PRKG1: variants seen among roughly 807,000 people sequenced by gnomAD.
PRKG1 encodes cGMP-dependent protein kinase 1.
A neutral mutation model predicts 88.1 loss-of-function variants in PRKG1; 35 were observed. The ratio of observed to expected loss-of-function variants is 0.40; its 90% CI spans 0.30 to 0.53. The LOEUF (loss-of-function observed/expected upper bound fraction) is 0.53. PRKG1 is among the 20% of genes least tolerant of loss of function. PRKG1 has a pLI of 0.59. For synonymous variants in PRKG1, 303 were observed against 292.5 expected, an observed-to-expected ratio of 1.04 and a Z score of -0.37; for missense variants, 540 against 839.8, an observed-to-expected ratio of 0.64 and a Z score of 4.41.
intron 3 of PRKG1, among the ~76,000 whole-genome samples, chr10:51,493,706 G>T (rs1372376358): frequency 6.6e-6 from 1 of 152,148 alleles, no homozygotes; most frequent in African/African-American, 2.4e-5. Context: ...TGCTCCACAC[G>T]ATTCAAAATT....
At chr10:52,264,900 G>A (rs1180311216) in intron 10 of PRKG1, among the ~76,000 whole-genome samples, 2 of 152,026 alleles carry the variant, frequency 1.3e-5, no homozygotes, top group Non-Finnish European at 2.9e-5. Context: ...TAAATGTAAA[G>A]TCAAGGTCAT....
rs869105973 is a variant in PRKG1, at chr10:51,218,490, CATATAT to C, written c.478+65196_478+65201del. On this transcript the variant is annotated intron_variant, in intron 2 of 17. Transcript: ENST00000373980. ...ACTTTCATTATAGTTCATCTATCTT[CATATAT>C]ATATATATATATATATATATATATA... Among the ~76,000 whole-genome samples the C allele has an allele frequency of 7.7e-3, 312 of 40,768 alleles. 1 individual carries two copies. Among genetic ancestry groups the C allele is most frequent in the Middle Eastern group, 0.024 (1 of 42 alleles). The allele number at this position is 40,768 out of a possible 152,430, so 26.7% of individuals were successfully genotyped here. A position where few individuals can be genotyped will look rare whatever the true frequency, so the allele number is the denominator to read the frequency against.
chr10:51,296,871 G>A (rs1840734578), intron 2 of PRKG1, among the ~76,000 whole-genome samples: 1 of 151,884 alleles, frequency 6.6e-6, no homozygotes, highest in Non-Finnish European at 1.5e-5. Flanking sequence ...GCTTTTCCAT[G>A]TTTTCTTTAG....
chr10:51,694,372 A>G (rs1311879042), intron 3 of PRKG1, among the ~76,000 whole-genome samples: 4 of 152,224 alleles, frequency 2.6e-5, no homozygotes, highest in Admixed American at 1.3e-4. Context: ...TTCTTTCTTA[A>G]ATGTTTTTCT....
intron 4 of PRKG1, among the ~76,000 whole-genome samples, chr10:51,867,453 T>C (rs1242666756): frequency 3.3e-5 from 5 of 152,072 alleles, no homozygotes; most frequent in South Asian, 2.1e-4. Flanking sequence ...GGTGGTGTGA[T>C]TGATCAGGAG....
intron 3 of PRKG1, among the ~76,000 whole-genome samples, chr10:51,681,123 C>T (rs1018632428): frequency 6.6e-6 from 1 of 152,066 alleles, no homozygotes; most frequent in Non-Finnish European, 1.5e-5. Flanking sequence ...CATAAGATAA[C>T]TTGTGTCCTT....
chr10:52,115,944 A>G (rs760363562), intron 7 of PRKG1, among the ~76,000 whole-genome samples: 3 of 152,148 alleles, frequency 2.0e-5, no homozygotes, highest in Non-Finnish European at 4.4e-5. Flanking sequence ...GAAATGATTC[A>G]TGAATCAGGC....
At chr10:51,864,510 T>G (rs1564682312) in intron 4 of PRKG1, among the ~76,000 whole-genome samples, 2 of 152,250 alleles carry the variant, frequency 1.3e-5, no homozygotes, top group Admixed American at 1.3e-4. Flanking sequence ...GGTAATGTAT[T>G]TTGTCTCAAA....
At chr10:52,112,487 T>A (rs749851995) in intron 7 of PRKG1, among the ~76,000 whole-genome samples, 1 of 152,212 alleles carries the variant, frequency 6.6e-6, no homozygotes, top group African/African-American at 2.4e-5. Context: ...CCAAGGTTCA[T>A]AAGATATCTT....
chr10:51,269,735 G>A (rs1488622546), intron 2 of PRKG1, among the ~76,000 whole-genome samples: 4 of 152,078 alleles, frequency 2.6e-5, no homozygotes, highest in African/African-American at 7.2e-5. Context: ...AGGGGGATGA[G>A]GACTAAAAGA....
intron 4 of PRKG1, among the ~76,000 whole-genome samples, chr10:51,818,346 T>G (rs185396681): frequency 2.0e-5 from 3 of 152,282 alleles, no homozygotes; most frequent in Admixed American, 2.0e-4. Context: ...AGTTAGTCTT[T>G]CTAGCACTAA....
chr10:51,509,068 A>G (rs1285820685), intron 3 of PRKG1, among the ~76,000 whole-genome samples: 1 of 152,194 alleles, frequency 6.6e-6, no homozygotes, highest in East Asian at 1.9e-4. Flanking sequence ...ATATAAAAGA[A>G]CATTAATATT....
chr10:51,637,489 T>G (rs1564584406), intron 3 of PRKG1, among the ~76,000 whole-genome samples: 1 of 152,234 alleles, frequency 6.6e-6, no homozygotes, highest in African/African-American at 2.4e-5. Context: ...TGCAGTATTA[T>G]TCACAATAAC....
intron 7 of PRKG1, among the ~76,000 whole-genome samples, chr10:52,079,058 T>C (rs1462071429): frequency 6.6e-6 from 1 of 152,210 alleles, no homozygotes; most frequent in Non-Finnish European, 1.5e-5. Context: ...TCAAACAGTT[T>C]CCTCTGTTAA....
Position 52,179,933 on chromosome 10 carries a change from C to T in PRKG1, c.1076+17970C>T, listed in dbSNP as rs953302748. Among the ~76,000 whole-genome samples the T allele has an allele frequency of 7.2e-5, 11 of 152,124 alleles. No individual in the cohort carries two copies. In the East Asian group the frequency reaches 1.2e-3, roughly 16 times the overall value. On this transcript the variant is annotated intron_variant, in intron 9 of 17. Transcript: ENST00000373980. ...CAAACTCCTGATTTCGTGATCTGCC[C>T]GCTTTGGCATCCCAAAGTGCTGGGA...
intron 5 of PRKG1, among the ~76,000 whole-genome samples, chr10:52,012,497 C>T (rs1844915977): frequency 6.6e-6 from 1 of 152,128 alleles, no homozygotes; most frequent in Non-Finnish European, 1.5e-5. Flanking sequence ...CCGCCTCAGC[C>T]TCCCAAAGTG....
intron 9 of PRKG1, among the ~76,000 whole-genome samples, chr10:52,228,105 G>T (rs1399887632): frequency 6.6e-6 from 1 of 152,146 alleles, no homozygotes; most frequent in Non-Finnish European, 1.5e-5. Flanking sequence ...TGAAGGTCGA[G>T]TGTGGGTAGG....
At chr10:52,156,196 T>A (rs1838091087) in intron 8 of PRKG1, among the ~76,000 whole-genome samples, 1 of 149,308 alleles carries the variant, frequency 6.7e-6, no homozygotes, top group Non-Finnish European at 1.5e-5. Context: ...ATGTGCATGA[T>A]AAGAAAATAC....
At chr10:52,285,339 G>A (rs982068946) in intron 14 of PRKG1, among the ~76,000 whole-genome samples, 2 of 152,164 alleles carry the variant, frequency 1.3e-5, no homozygotes, top group African/African-American at 4.8e-5. Flanking sequence ...CATTATTGGA[G>A]GAGAATTCTT....
Sources: gnomAD v4.1 joint callset for allele counts (sites outside exome capture counted in the v4.1 genomes callset) on GRCh38, gnomAD v4.1.1 for gene constraint, MANE v1.5 for transcripts, NCBI Gene and HGNC (gene_info 2026-07-23, HGNC 2026-07-21) for gene names.